The following ARHGDIB variants were observed in gnomAD, a reference collection of about 807,000 sequenced individuals.
The protein encoded by ARHGDIB is rho GDP-dissociation inhibitor 2.
In ARHGDIB, 20 loss-of-function variants were observed where a neutral mutation model predicts 22.6. That is an observed-to-expected ratio of 0.88 (90% CI 0.62 to 1.28). ARHGDIB has a LOEUF of 1.28. Ranked by LOEUF, ARHGDIB falls within the 50% of genes most tolerant of loss-of-function variation. The pLI is 0.00. For synonymous variants in ARHGDIB, 114 were observed against 96.1 expected, an observed-to-expected ratio of 1.19 and a Z score of -1.09; for missense variants, 254 against 245.4, an observed-to-expected ratio of 1.04 and a Z score of -0.23.
chr12:14,946,864 T>C (rs1285993771), intron 4 of ARHGDIB, among the ~76,000 whole-genome samples: 1 of 152,220 alleles, frequency 6.6e-6, no homozygotes, highest in Non-Finnish European at 1.5e-5. Context: ...ATATAATGCC[T>C]TACCAAACCT....
chr12:14,955,886 G>T (rs1864291378), intron 1 of ARHGDIB, among the ~76,000 whole-genome samples: 1 of 152,064 alleles, frequency 6.6e-6, no homozygotes, highest in South Asian at 2.1e-4. Flanking sequence ...TGATAATATT[G>T]ATATTATTAA....
At chr12:14,955,457 T>G (rs1398956631) in intron 1 of ARHGDIB, among the ~76,000 whole-genome samples, 2 of 152,210 alleles carry the variant, frequency 1.3e-5, no homozygotes, top group Non-Finnish European at 2.9e-5. Flanking sequence ...AAAGTATTTA[T>G]TGTATATATT....
At chr12:14,949,331 A>G (rs1439893309) in intron 3 of ARHGDIB, among the ~76,000 whole-genome samples, 1 of 152,246 alleles carries the variant, frequency 6.6e-6, no homozygotes, top group Non-Finnish European at 1.5e-5. Flanking sequence ...TTTAACAAGA[A>G]TCAGAGTTTC....
chr12:14,959,069 G>A (rs1315268099), intron 1 of ARHGDIB, among the ~76,000 whole-genome samples: 1 of 152,224 alleles, frequency 6.6e-6, no homozygotes, highest in Non-Finnish European at 1.5e-5. Context: ...GCTGCAGTGA[G>A]CTGCGTTCAC....
At chr12:14,943,440 T>A (rs1484443235) in intron 5 of ARHGDIB, among the ~76,000 whole-genome samples, 1 of 151,884 alleles carries the variant, frequency 6.6e-6, no homozygotes, top group Non-Finnish European at 1.5e-5. Flanking sequence ...TACACCATTT[T>A]AAAAAACTCA....
chr12:14,952,106 T>C (rs932369366), intron 1 of ARHGDIB, among the ~76,000 whole-genome samples: 2 of 152,058 alleles, frequency 1.3e-5, no homozygotes, highest in Non-Finnish European at 2.9e-5. Flanking sequence ...TAAGAAAATG[T>C]CTGTCACATC....
At chr12:14,945,661 T>A (rs1863996490) in intron 4 of ARHGDIB, among the ~76,000 whole-genome samples, 1 of 152,256 alleles carries the variant, frequency 6.6e-6, no homozygotes, top group Admixed American at 6.5e-5. Flanking sequence ...AATTAAAGCA[T>A]CTTCAAATAA....
chr12:14,949,277 A>T (rs2120712647), intron 3 of ARHGDIB, among the ~76,000 whole-genome samples: 1 of 152,280 alleles, frequency 6.6e-6, no homozygotes, highest in Admixed American at 6.5e-5. Flanking sequence ...GGTGAAAGAA[A>T]ATAACATCTT....
intron 4 of ARHGDIB, chr12:14,947,666 A>G (rs1192690613): frequency 9.2e-6 from 5 of 546,438 alleles, no homozygotes; most frequent in South Asian, 4.6e-5. Flanking sequence ...GAAGAGTTTA[A>G]GAAGTCCTGG....
rs1864125455 is a variant in ARHGDIB, at chr12:14,949,846, AG to A, written c.220del (p.Leu74TrpfsTer28). On this transcript the variant is annotated frameshift_variant, in exon 3 of 6. Transcript: ENST00000228945. LOFTEE classifies it high-confidence loss of function. ...APNVVVTRLTLVCESAPGPIT... is the reference protein window; with the variant it reads ...APNVVVTRLTXVCESAPGPIT... ...TGGTCCCGGGGCACTCTCACAAACC[AG>A]GGTGAGCCGGGTGACAACGACATTG... 1 of 1,613,666 alleles carries A rather than the reference AG, an allele frequency of 6.2e-7. No individual in the cohort carries two copies. The highest frequency in any genetic ancestry group is 8.5e-7 in the Non-Finnish European group (1 of 1,179,762).
At chr12:14,951,141 G>A (rs1864167297) in intron 1 of ARHGDIB, 1 of 154,690 alleles carries the variant, frequency 6.5e-6, no homozygotes, top group African/African-American at 2.4e-5. Flanking sequence ...TGCACAGTCT[G>A]AGTGATAATG....
chr12:14,944,750 CAG>C lies in ARHGDIB; in HGVS notation c.406+24_406+25del, dbSNP rs540915018. 133 of 1,607,870 alleles carry C rather than the reference CAG, an allele frequency of 8.3e-5. No individual in the cohort carries two copies. The African/African-American group carries it at 1.6e-3, about 20-fold the overall frequency. On this transcript the variant is annotated intron_variant, in intron 5 of 5. Coordinates refer to ENST00000228945, the MANE Select transcript of ARHGDIB (RefSeq NM_001175.7). ...AGTATCAATGAGAAGCAGTTTGGGA[CAG>C]TGTGGAAATGTGGGTTCCCTTACCT... is the stretch of plus-strand genomic sequence containing the variant.
intron 5 of ARHGDIB, among the ~76,000 whole-genome samples, chr12:14,943,377 G>GTT (rs10713403): frequency 4.8e-4 from 69 of 143,856 alleles, no homozygotes; most frequent in Middle Eastern, 7.1e-3. Flanking sequence ...GATTAAGCCT[G>GTT]TTTTTTTTTT....
intron 4 of ARHGDIB, 38 bp downstream of exon 4, chr12:14,947,835 T>C (rs1444249306): frequency 1.3e-6 from 2 of 1,501,318 alleles, no homozygotes; most frequent in Non-Finnish European, 1.9e-6. Flanking sequence ...AAAGAAAAGA[T>C]TTAAACTTTA....
At chr12:14,942,748 GTAAGAGCCTGA>G in intron 5 of ARHGDIB, 27 bp from the exon 6 acceptor site, 1 of 1,603,336 alleles carries the variant, frequency 6.2e-7, no homozygotes, top group Non-Finnish European at 8.5e-7. Context: ...GTTCATTAGG[GTAAGAGCCTGA>G]TAGAGGAAAA....
intron 3 of ARHGDIB, among the ~76,000 whole-genome samples, chr12:14,949,177 G>A (rs1864105330): frequency 6.6e-6 from 1 of 151,920 alleles, no homozygotes; most frequent in Admixed American, 6.6e-5. Context: ...CCCCTCTGAT[G>A]CCCATTTCCT....
intron 3 of ARHGDIB, among the ~76,000 whole-genome samples, chr12:14,949,057 G>T (rs924686961): frequency 2.0e-5 from 3 of 152,092 alleles, no homozygotes; most frequent in Non-Finnish European, 4.4e-5. Flanking sequence ...CTTGTGCTTT[G>T]TCTGTCTCAC....
At chr12:14,948,448 T>G (rs1367855470) in intron 3 of ARHGDIB, among the ~76,000 whole-genome samples, 1 of 152,254 alleles carries the variant, frequency 6.6e-6, no homozygotes, top group African/African-American at 2.4e-5. Flanking sequence ...CTACTTGTTT[T>G]TATTCATTTT....
intron 1 of ARHGDIB, among the ~76,000 whole-genome samples, chr12:14,957,276 G>A (rs1864322668): frequency 6.6e-6 from 1 of 152,104 alleles, no homozygotes; most frequent in South Asian, 2.1e-4. Context: ...AAAATTATAG[G>A]ACTATACTGG....
Sources: gnomAD v4.1 joint callset for allele counts (sites outside exome capture counted in the v4.1 genomes callset) on GRCh38, gnomAD v4.1.1 for gene constraint, MANE v1.5 for transcripts, NCBI Gene and HGNC (gene_info 2026-07-23, HGNC 2026-07-21) for gene names.